Variants in PDXDC1 observed in about 807,000 individuals in gnomAD.
PDXDC1 encodes pyridoxal dependent decarboxylase domain containing 1.
In PDXDC1, 42 loss-of-function variants were observed where a neutral mutation model predicts 100.1. The observed-to-expected ratio is 0.42, with a 90% CI of 0.33 to 0.54. The LOEUF is 0.54. Ranked by LOEUF, PDXDC1 falls within the 20% of genes least tolerant of loss-of-function variation. The pLI, the probability that PDXDC1 is intolerant of heterozygous loss-of-function variation, is 0.10. For synonymous variants in PDXDC1, 260 were observed against 371.7 expected, an observed-to-expected ratio of 0.70 and a Z score of 3.46; for missense variants, 636 against 979.2, an observed-to-expected ratio of 0.65 and a Z score of 4.68.
chr16:15,096,871 G>T (rs1284097773), intron 16 of PDXDC1, among the ~76,000 whole-genome samples: 1 of 152,114 alleles, frequency 6.6e-6, no homozygotes, highest in African/African-American at 2.4e-5. Context: ...GTCTCACTTT[G>T]TTGCCCAGGC....
At chr16:15,040,033 G>A, downstream of PDXDC1, 2 of 1,610,702 alleles carry the variant, frequency 1.2e-6, no homozygotes, top group Non-Finnish European at 1.7e-6. Context: ...TTGAAAGGAT[G>A]CTCTGTAAAT....
chr16:15,133,968 C>A (rs962361777), intron 16 of PDXDC1: 8 of 1,330,520 alleles, frequency 6.0e-6, no homozygotes, highest in Non-Finnish European at 7.3e-6. Flanking sequence ...CTCGCCGTCC[C>A]GCAGCACGCC....
At chr16:15,011,609 A>G (rs1327239326) in intron 8 of PDXDC1, among the ~76,000 whole-genome samples, 1 of 152,176 alleles carries the variant, frequency 6.6e-6, no homozygotes, top group African/African-American at 2.4e-5. Context: ...GACTGGGAGA[A>G]ATATTTGCAA....
At chr16:15,095,083 C>T (rs1277566056) in intron 16 of PDXDC1, among the ~76,000 whole-genome samples, 2 of 152,048 alleles carry the variant, frequency 1.3e-5, no homozygotes, top group African/African-American at 4.8e-5. Flanking sequence ...GGTCATCCGC[C>T]CGCCTCGGCC....
intron 16 of PDXDC1, chr16:15,125,627 G>A: frequency 8.3e-7 from 1 of 1,199,014 alleles, no homozygotes; most frequent in Non-Finnish European, 1.2e-6. Context: ...AGTGTCTGGA[G>A]TCCAAGCTGC....
At chr16:15,057,512 C>T (rs902119250) in intron 16 of PDXDC1, among the ~76,000 whole-genome samples, 10 of 152,200 alleles carry the variant, frequency 6.6e-5, no homozygotes, top group African/African-American at 2.4e-4. Flanking sequence ...TGCTCTCCAT[C>T]ACTATAAGAT....
At chr16:15,047,753 TCCGC>T in intron 16 of PDXDC1, 1 of 1,063,054 alleles carries the variant, frequency 9.4e-7, no homozygotes, top group South Asian at 1.3e-5. Flanking sequence ...GTAAGCGGAG[TCCGC>T]TTCCAACAAG....
intron 16 of PDXDC1, chr16:15,104,683 T>C (rs760450435): frequency 1.3e-5 from 20 of 1,597,622 alleles, no homozygotes; most frequent in South Asian, 1.1e-4. Flanking sequence ...ATCCTGTTTT[T>C]TAAAGTTTCA....
intron 16 of PDXDC1, chr16:15,108,285 T>A (rs2046886870): frequency 1.1e-6 from 1 of 931,244 alleles, no homozygotes; most frequent in African/African-American, 1.8e-5. Flanking sequence ...ATACTTGGTT[T>A]TATAGGAAGG....
At chr16:15,010,967 G>A (rs1476211124) in intron 8 of PDXDC1, among the ~76,000 whole-genome samples, 19 of 152,276 alleles carry the variant, frequency 1.2e-4, no homozygotes, top group Non-Finnish European at 2.5e-4. Flanking sequence ...CCATACACAC[G>A]GGTTGGAAGA....
Position 15,061,761 on chromosome 16 carries a change from G to GC in PDXDC1, c.1399+31706dup, listed in dbSNP as rs763884239. ...TTCTGCCGTCAGAGGGGACTGGGTT[G>GC]CATGTACAACACGGGTGGGGAGCCC... is the stretch of plus-strand genomic sequence containing the variant. On this transcript the variant is annotated intron_variant, in intron 16 of 16. Coordinates refer to the PDXDC1 transcript ENST00000535621. 9.3e-6 allele frequency: 15 copies of GC among 1,613,324 alleles called. No homozygotes were observed. In the Admixed American group the frequency reaches 2.5e-4, roughly 27 times the overall value.
At chr16:15,065,635 G>A (rs534265553) in intron 16 of PDXDC1, among the ~76,000 whole-genome samples, 1 of 152,060 alleles carries the variant, frequency 6.6e-6, no homozygotes, top group African/African-American at 2.4e-5. Context: ...ATGAGTAATA[G>A]ATATTATTCA....
At chr16:15,145,178 G>T in the PDXDC1 span, among the ~76,000 whole-genome samples, 18 of 152,186 alleles carry the variant, frequency 1.2e-4, no homozygotes, top group Non-Finnish European at 2.2e-4. Context: ...GGAAGAGGGT[G>T]GTGGGGGGGG....
chr16:15,045,756 A>G (rs1354700569), intron 16 of PDXDC1: 1 of 152,236 alleles, frequency 6.6e-6, no homozygotes, highest in Admixed American at 6.5e-5. Flanking sequence ...TGTTTCCCAC[A>G]CTCATCTACT....
intron 16 of PDXDC1, chr16:15,131,576 G>T: frequency 6.2e-7 from 1 of 1,606,924 alleles, no homozygotes; most frequent in Non-Finnish European, 8.5e-7. Flanking sequence ...ACGCGGGAGC[G>T]CGTGAGGATG....
At chr16:15,126,224 C>T (rs1260309929) in intron 16 of PDXDC1, among the ~76,000 whole-genome samples, 6 of 149,278 alleles carry the variant, frequency 4.0e-5, no homozygotes, top group East Asian at 2.0e-4. Flanking sequence ...TTAGTAGAGA[C>T]GGGGTTTCAC....
intron 16 of PDXDC1, among the ~76,000 whole-genome samples, chr16:15,051,778 G>A (rs1450673096): frequency 7.3e-6 from 1 of 137,112 alleles, no homozygotes; most frequent in Non-Finnish European, 1.5e-5. Context: ...ATAGCTCACT[G>A]CAACCTCAAA....
chr16:15,133,491 T>G, intron 16 of PDXDC1: 1 of 845,222 alleles, frequency 1.2e-6, no homozygotes, highest in Non-Finnish European at 1.9e-6. Context: ...CTGGCTCACC[T>G]GTTGAGGGCG....
chr16:15,006,572 C>G lies in PDXDC1; in HGVS notation c.568C>G (p.Leu190Val). 1 of 1,568,098 alleles carries G rather than the reference C, an allele frequency of 6.4e-7. No homozygotes were observed. The highest frequency in any genetic ancestry group is 2.3e-5 in the East Asian group (1 of 43,646). The change falls in exon 6 of 23, where the codon CTT (leucine) becomes GTT (valine). Residue 190 changes from leucine to valine, a missense_variant. Physicochemically the swap from Leu to Val is conservative, Grantham distance 32. Coordinates refer to ENST00000396410, the MANE Select transcript of PDXDC1 (RefSeq NM_015027.4). ...AAARPGLGQY[L>V]CNQLGLPFPC... ...TGCTAGACCTGGCCTGGGCCAATAC[C>G]TTTGTAATCAGGTAATGTGGTATCA... is the stretch of plus-strand genomic sequence containing the variant.
Sources: allele counts gnomAD v4.1 joint callset (sites outside exome capture counted in the v4.1 genomes callset), GRCh38; gene constraint gnomAD v4.1.1; transcripts MANE v1.5; gene names NCBI Gene and HGNC (gene_info 2026-07-23, HGNC 2026-07-21).